Variants in TNIK observed in about 807,000 individuals in gnomAD.
TNIK encodes TRAF2 and NCK-interacting protein kinase.
Under a neutral mutation model 191.3 loss-of-function variants are expected in TNIK, and 49 were observed. That is an observed-to-expected ratio of 0.26 (90% CI 0.20 to 0.32). The LOEUF (loss-of-function observed/expected upper bound fraction) is 0.32. TNIK is among the 10% of genes least tolerant of loss of function. The probability of loss-of-function intolerance (pLI) is 1.00; values close to 1 mark genes in which losing one functional copy is unlikely to be tolerated. For missense variants in TNIK, 1,155 were observed against 1,702.3 expected, an observed-to-expected ratio of 0.68 and a Z score of 5.66; for synonymous variants, 594 against 600.9, an observed-to-expected ratio of 0.99 and a Z score of 0.17.
intron 4 of TNIK, among the ~76,000 whole-genome samples, chr3:171,196,058 A>C (rs975392715): frequency 1.3e-5 from 2 of 152,224 alleles, no homozygotes; most frequent in African/African-American, 4.8e-5. Context: ...CACCACCCAA[A>C]GAATATGACT....
At chr3:171,109,446 A>AT (rs144996069) in intron 19 of TNIK, among the ~76,000 whole-genome samples, 3,515 of 152,342 alleles carry the variant, frequency 0.023, 126 homozygotes, top group African/African-American at 0.073. Context: ...GCTAGTCCAT[A>AT]TCCCAATCCA....
chr3:171,288,676 T>C (rs549952373), intron 2 of TNIK, among the ~76,000 whole-genome samples: 1 of 151,962 alleles, frequency 6.6e-6, no homozygotes, highest in East Asian at 1.9e-4. Flanking sequence ...GGTGTGGTGG[T>C]GTGTGCCTGT....
chr3:171,372,661 G>A (rs1316099329), intron 1 of TNIK, among the ~76,000 whole-genome samples: 1 of 152,132 alleles, frequency 6.6e-6, no homozygotes, highest in Non-Finnish European at 1.5e-5. Context: ...CCGTCCCAGA[G>A]GTAACAATCT....
At chr3:171,209,460 G>GT (rs905110701) in intron 4 of TNIK, among the ~76,000 whole-genome samples, 63 of 152,018 alleles carry the variant, frequency 4.1e-4, no homozygotes, top group African/African-American at 1.4e-3. Flanking sequence ...TTTACTTTAT[G>GT]TTTTTTGTTA....
intron 4 of TNIK, among the ~76,000 whole-genome samples, chr3:171,203,688 G>A (rs186116278): frequency 1.2e-4 from 19 of 152,326 alleles, no homozygotes; most frequent in African/African-American, 4.3e-4. Flanking sequence ...TGCCAACTAA[G>A]AACTAGTCTA....
intron 1 of TNIK, among the ~76,000 whole-genome samples, chr3:171,422,541 T>C (rs960576166): frequency 6.6e-6 from 1 of 152,232 alleles, no homozygotes; most frequent in African/African-American, 2.4e-5. Flanking sequence ...ATGCCTTTTT[T>C]GTTTTGTTAA....
At chr3:171,184,584 G>T (rs1049363426) in intron 7 of TNIK, among the ~76,000 whole-genome samples, 2 of 152,112 alleles carry the variant, frequency 1.3e-5, no homozygotes, top group Non-Finnish European at 2.9e-5. Context: ...CCTTCTGATC[G>T]AATAGGGAAG....
intron 2 of TNIK, among the ~76,000 whole-genome samples, chr3:171,308,083 T>G (rs1753650006): frequency 6.6e-6 from 1 of 152,024 alleles, no homozygotes; most frequent in Admixed American, 6.6e-5. Flanking sequence ...TATTATAAAA[T>G]TCATATGGAA....
At chr3:171,310,103 A>G (rs1395800124) in intron 2 of TNIK, among the ~76,000 whole-genome samples, 1 of 132,212 alleles carries the variant, frequency 7.6e-6, no homozygotes, top group Non-Finnish European at 1.7e-5. Flanking sequence ...ATTATTATTT[A>G]TAACATACCT....
At chr3:171,187,440 T>G (rs1463296323) in intron 7 of TNIK, among the ~76,000 whole-genome samples, 1 of 152,158 alleles carries the variant, frequency 6.6e-6, no homozygotes, top group African/African-American at 2.4e-5. Context: ...AAGCTTGCAA[T>G]TCCCAAAAGA....
intron 4 of TNIK, among the ~76,000 whole-genome samples, chr3:171,194,889 AT>A (rs551535277): frequency 2.0e-5 from 3 of 150,964 alleles, no homozygotes; most frequent in East Asian, 1.9e-4. Context: ...TATTCTAAGT[AT>A]TTTTTTTTAA....
In TNIK at chr3:171,247,607, T is replaced by A. The variant is rs147124680; in HGVS notation, c.124-19386A>T. On this transcript the variant is annotated intron_variant, in intron 2 of 32. Transcript: ENST00000436636. ...GAAGACTGGGCTTCAGGAGGTCAAG[T>A]CAGTCTACAGAGACAGAAGGACTTG... 3.0e-3 allele frequency among the ~76,000 whole-genome samples: 455 copies of A among 152,052 alleles called. No homozygotes were observed. The South Asian group carries it at 0.031, about 10-fold the overall frequency.
At chr3:171,281,058 GGCATA>G (rs1376352686) in intron 2 of TNIK, among the ~76,000 whole-genome samples, 1 of 152,088 alleles carries the variant, frequency 6.6e-6, no homozygotes, top group Non-Finnish European at 1.5e-5. Flanking sequence ...TTTATGGAAT[GGCATA>G]GTATTAAACA....
At chr3:171,433,937 C>CTTT (rs67036993) in intron 1 of TNIK, among the ~76,000 whole-genome samples, 9 of 71,118 alleles carry the variant, frequency 1.3e-4, no homozygotes, top group South Asian at 6.2e-4. Context: ...TTTCTTTTTC[C>CTTT]TTTTTTTTTT....
intron 7 of TNIK, among the ~76,000 whole-genome samples, chr3:171,181,377 G>C (rs1272398465): frequency 2.6e-5 from 4 of 152,138 alleles, no homozygotes; most frequent in African/African-American, 9.7e-5. Context: ...GCCCAACTTA[G>C]TCTTCTATGA....
At chr3:171,239,559 T>C (rs921309109) in intron 2 of TNIK, among the ~76,000 whole-genome samples, 9 of 152,232 alleles carry the variant, frequency 5.9e-5, no homozygotes, top group Non-Finnish European at 1.0e-4. Context: ...GGCCTATTAA[T>C]TGTTCCACCT....
intron 2 of TNIK, among the ~76,000 whole-genome samples, chr3:171,358,359 C>T (rs923732119): frequency 6.6e-5 from 10 of 152,118 alleles, no homozygotes; most frequent in Non-Finnish European, 1.2e-4. Context: ...GAATGAGGAG[C>T]GAAGTCACAT....
chr3:171,194,951 TC>T (rs1212166347), intron 4 of TNIK, among the ~76,000 whole-genome samples: 15 of 152,026 alleles, frequency 9.9e-5, no homozygotes, highest in Admixed American at 9.8e-4. Flanking sequence ...CTGTTTTAAC[TC>T]AGCAGTCAAA....
intron 2 of TNIK, among the ~76,000 whole-genome samples, chr3:171,250,681 A>G (rs1044417601): frequency 1.3e-4 from 20 of 152,220 alleles, no homozygotes; most frequent in African/African-American, 4.6e-4. Flanking sequence ...GACCATGAGG[A>G]AATCATTCAG....
Sources: allele counts gnomAD v4.1 joint callset (sites outside exome capture counted in the v4.1 genomes callset), GRCh38; gene constraint gnomAD v4.1.1; transcripts MANE v1.5; gene names NCBI Gene and HGNC (gene_info 2026-07-23, HGNC 2026-07-21).